The following C6orf118 variants were observed in gnomAD, a reference collection of about 807,000 sequenced individuals.
C6orf118 encodes chromosome 6 open reading frame 118.
C6orf118 carries 50 observed loss-of-function variants against 50.2 expected under a neutral mutation model. That is an observed-to-expected ratio of 1.00 (90% CI 0.79 to 1.26). C6orf118 has a LOEUF of 1.26. Ranked by LOEUF, C6orf118 falls within the 50% of genes most tolerant of loss-of-function variation. The pLI is 0.00. For missense variants in C6orf118, 641 were observed against 578.7 expected, an observed-to-expected ratio of 1.11 and a Z score of -1.10; for synonymous variants, 239 against 230.9, an observed-to-expected ratio of 1.03 and a Z score of -0.32.
intron 2 of C6orf118, among the ~76,000 whole-genome samples, chr6:165,301,138 C>T (rs1472378762): frequency 6.6e-6 from 1 of 152,130 alleles, no homozygotes; most frequent in Non-Finnish European, 1.5e-5. Context: ...CTTCATTTCA[C>T]CCAAACTGTC....
intron 7 of C6orf118, among the ~76,000 whole-genome samples, chr6:165,285,335 A>G (rs576176551): frequency 6.6e-6 from 1 of 151,940 alleles, no homozygotes; most frequent in South Asian, 2.1e-4. Context: ...GAGACCTACA[A>G]AGTCTCTAAT....
chr6:165,294,770 C>A (rs1477114774), intron 5 of C6orf118, among the ~76,000 whole-genome samples: 1 of 152,060 alleles, frequency 6.6e-6, no homozygotes, highest in Admixed American at 6.6e-5. Flanking sequence ...GTGGTCCCAG[C>A]TACTTGGGAG....
intron 5 of C6orf118, 49 bp downstream of exon 5, chr6:165,297,928 T>C (rs1780367789): frequency 6.2e-7 from 1 of 1,611,042 alleles, no homozygotes; most frequent in South Asian, 1.1e-5. Context: ...TTTCAGACCT[T>C]GTTACGGAAG....
At chr6:165,283,432 G>A (rs1470688263) in intron 7 of C6orf118, among the ~76,000 whole-genome samples, 1 of 152,216 alleles carries the variant, frequency 6.6e-6, no homozygotes, top group Non-Finnish European at 1.5e-5. Flanking sequence ...AGTCTAGTCA[G>A]TCTGCACAAG....
chr6:165,281,216 T>A (rs1443908867), intron 8 of C6orf118, among the ~76,000 whole-genome samples: 1 of 152,204 alleles, frequency 6.6e-6, no homozygotes, highest in Non-Finnish European at 1.5e-5. Flanking sequence ...ACGTTCCTGA[T>A]TCCTGCCCAT....
At chr6:165,309,279 G>C (rs781779352) in intron 1 of C6orf118, among the ~76,000 whole-genome samples, 3 of 152,146 alleles carry the variant, frequency 2.0e-5, no homozygotes, top group Non-Finnish European at 2.9e-5. Context: ...GGCTTCCGGA[G>C]ACTCCAACAC....
chr6:165,280,878 G>C (rs1489306668), intron 8 of C6orf118, among the ~76,000 whole-genome samples: 2 of 152,106 alleles, frequency 1.3e-5, no homozygotes, highest in African/African-American at 4.8e-5. Flanking sequence ...TTGAGCCCAA[G>C]CCACCTACAC....
intron 5 of C6orf118, among the ~76,000 whole-genome samples, chr6:165,297,768 T>C (rs1780361765): frequency 6.6e-6 from 1 of 151,772 alleles, no homozygotes; most frequent in Non-Finnish European, 1.5e-5. Context: ...CTGCCCAAAC[T>C]CCCCCCATGG....
At chr6:165,297,316 G>C (rs1381468342) in intron 5 of C6orf118, among the ~76,000 whole-genome samples, 1 of 151,304 alleles carries the variant, frequency 6.6e-6, no homozygotes, top group Non-Finnish European at 1.5e-5. Context: ...AGCTACTCAG[G>C]AGGCTTGAAC....
intron 1 of C6orf118, among the ~76,000 whole-genome samples, chr6:165,308,573 C>A (rs1412467133): frequency 1.3e-5 from 2 of 152,158 alleles, no homozygotes; most frequent in South Asian, 4.1e-4. Flanking sequence ...CCCTCGAGTC[C>A]AGCCTGGTGA....
In C6orf118 at chr6:165,300,579, T is replaced by A; in HGVS notation, c.754-93A>T. 5 of 1,290,990 alleles carry A rather than the reference T, an allele frequency of 3.9e-6. No homozygotes were observed. The Middle Eastern group carries it at 8.0e-4, about 206-fold the overall frequency. 80.0% of individuals were successfully genotyped at this position (1,290,990 alleles called of 1,614,324 possible). ...GGAGTCAGTGAGGACACAGCTGCCA[T>A]CACCCTGGCGAGTGGGCGGGGCGGC... On this transcript the variant is annotated intron_variant, in intron 2 of 8. Transcript: ENST00000230301.
At chr6:165,297,784 C>A (rs904060202) in intron 5 of C6orf118, among the ~76,000 whole-genome samples, 193 bp downstream of exon 5, 1 of 152,194 alleles carries the variant, frequency 6.6e-6, no homozygotes, top group Non-Finnish European at 1.5e-5. Flanking sequence ...CATGGACACA[C>A]CATACTTAGC....
chr6:165,302,358 G>A, intron 1 of C6orf118, 62 bp from the exon 2 acceptor site: 2 of 1,561,190 alleles, frequency 1.3e-6, no homozygotes, highest in Admixed American at 1.8e-5. Flanking sequence ...AAGTCAGCTG[G>A]TGCACTGGCT....
chr6:165,296,243 G>GTTTTT (rs1285694115), intron 5 of C6orf118, among the ~76,000 whole-genome samples: 3 of 55,348 alleles, frequency 5.4e-5, no homozygotes, highest in African/African-American at 7.9e-5. Context: ...TGTTGTTTTC[G>GTTTTT]TTTTTTGTTT....
chr6:165,287,510 T>C (rs940185810), intron 7 of C6orf118, among the ~76,000 whole-genome samples: 8 of 152,140 alleles, frequency 5.3e-5, no homozygotes, highest in African/African-American at 1.9e-4. Flanking sequence ...GCTGGAGGCA[T>C]CATGCTGCCT....
rs1324245726 is a variant in C6orf118, at chr6:165,297,996, C to A, written c.1042G>T (p.Ala348Ser). The change falls in exon 5 of 9, where the codon GCC becomes TCC. Residue 348 changes from alanine to serine, a missense_variant. By Grantham distance (99) the Ala-to-Ser change is moderately conservative. Coordinates refer to ENST00000230301, the MANE Select transcript of C6orf118 (RefSeq NM_144980.4). ...LRMLVTATKA[A>S]LEQNDRLRSE... ...CCTCACCTATCATTCTGCTCCAGGG[C>A]TGCTTTTGTGGCTGTCACGAGCATC... is the stretch of plus-strand genomic sequence containing the variant. The A allele has an allele frequency of 3.7e-6, 6 of 1,613,896 alleles. No homozygotes were observed.
Position 165,281,704 on chromosome 6 carries a change from A to C in C6orf118, c.1303-11T>G. ...TTGTATAGCTTCATGCTGGAAGAGA[A>C]GTTGTTTTAAACACAATATACTTGG... On this transcript the variant is annotated splice_polypyrimidine_tract_variant and intron_variant, in intron 7 of 8. Transcript: ENST00000230301. 1.4e-6 allele frequency: 2 copies of C among 1,468,268 alleles called. No individual in the cohort carries two copies. The highest frequency in any genetic ancestry group is 1.8e-6 in the Non-Finnish European group (2 of 1,096,988). 91.0% of individuals were successfully genotyped at this position (1,468,268 alleles called of 1,614,324 possible).
intron 7 of C6orf118, among the ~76,000 whole-genome samples, chr6:165,288,120 G>A (rs917374582): frequency 6.6e-5 from 10 of 152,100 alleles, no homozygotes; most frequent in Admixed American, 1.3e-4. Context: ...AATGGGCAAA[G>A]GACATGAACA....
chr6:165,290,816 G>A (rs2128159069), intron 6 of C6orf118, among the ~76,000 whole-genome samples: 1 of 152,224 alleles, frequency 6.6e-6, no homozygotes, highest in East Asian at 1.9e-4. Context: ...GTATTAGTCT[G>A]TTTCACGCTG....
Sources: allele counts gnomAD v4.1 joint callset (sites outside exome capture counted in the v4.1 genomes callset), GRCh38; gene constraint gnomAD v4.1.1; transcripts MANE v1.5; gene names NCBI Gene and HGNC (gene_info 2026-07-23, HGNC 2026-07-21).